The following RP1 variants were observed in gnomAD, a reference collection of about 807,000 sequenced individuals.
RP1 encodes RP1 axonemal microtubule associated, also known as oxygen-regulated protein 1.
In RP1, 16 loss-of-function variants were observed where a neutral mutation model predicts 14.8. That is an observed-to-expected ratio of 1.08 (90% CI 0.73 to 1.65). RP1 has a LOEUF of 1.65. RP1 is among the 40% of genes most tolerant of loss of function. The pLI, the probability that RP1 is intolerant of heterozygous loss-of-function variation, is 0.00. For synonymous variants in RP1, 876 were observed against 883.6 expected, an observed-to-expected ratio of 0.99 and a Z score of 0.15; for missense variants, 2,631 against 2,535.0, an observed-to-expected ratio of 1.04 and a Z score of -0.81.
rs1428227143 is a variant in RP1, at chr8:54,769,687, TTTTCTCTCTATTTTCTCCTCTCTCTTTC to T, written c.3249-44_3249-17del. The T allele has an allele frequency of 1.0e-5, 12 of 1,185,014 alleles. No homozygotes were observed. The East Asian group carries it at 3.1e-4, about 30-fold the overall frequency. 73.4% of individuals were successfully genotyped at this position (1,185,014 alleles called of 1,614,324 possible). A position where few individuals can be genotyped will look rare whatever the true frequency, so the allele number is the denominator to read the frequency against. On this transcript the variant is annotated intron_variant, in intron 22 of 22. Coordinates refer to the RP1 transcript ENST00000636932. ...TAAAATTGAGAAAATCAGAAATTAATTTTCTCTCTATTTTCTCCTCTCTCTTTCTTTCTCTCTCTCTCTTTTTCCTCAG... is the reference window on the plus strand; with the variant it reads ...TAAAATTGAGAAAATCAGAAATTAATTTTCTCTCTCTCTCTTTTTCCTCAG...
At chr8:54,790,103 G>A (rs922855737) in intron 24 of RP1, among the ~76,000 whole-genome samples, 1 of 152,036 alleles carries the variant, frequency 6.6e-6, no homozygotes, top group Non-Finnish European at 1.5e-5. Flanking sequence ...CCAACCAGAG[G>A]CAATTGTGGA....
At chr8:54,868,512 T>G (rs984358921) in intron 28 of RP1, among the ~76,000 whole-genome samples, 4 of 152,218 alleles carry the variant, frequency 2.6e-5, no homozygotes, top group Non-Finnish European at 5.9e-5. Context: ...ATGGGCAAAC[T>G]GTGACCTAAT....
At chr8:54,833,978 T>C (rs1811599255) in intron 24 of RP1, among the ~76,000 whole-genome samples, 1 of 152,106 alleles carries the variant, frequency 6.6e-6, no homozygotes. Context: ...ATGATTTATT[T>C]AACATATGTT....
At chr8:54,789,933 G>A (rs1020942490) in intron 24 of RP1, among the ~76,000 whole-genome samples, 5 of 152,192 alleles carry the variant, frequency 3.3e-5, no homozygotes, top group Admixed American at 2.6e-4. Context: ...GCAGAGCTCA[G>A]CCTGCATGAA....
chr8:54,848,809 C>A (rs1010513054), intron 25 of RP1, among the ~76,000 whole-genome samples: 1 of 152,130 alleles, frequency 6.6e-6, no homozygotes, highest in African/African-American at 2.4e-5. Flanking sequence ...AGTGCAGTGG[C>A]ACGATCTCGG....
intron 14 of RP1, among the ~76,000 whole-genome samples, chr8:54,703,039 C>T (rs1808063178): frequency 6.6e-6 from 1 of 152,172 alleles, no homozygotes; most frequent in Admixed American, 6.6e-5. Context: ...AAGTCTTGAA[C>T]CACTCAAAAT....
chr8:54,853,873 AAAAG>A (rs1385004849), intron 26 of RP1, among the ~76,000 whole-genome samples: 1 of 150,852 alleles, frequency 6.6e-6, no homozygotes, highest in South Asian at 2.1e-4. Flanking sequence ...AAAGAAAAGA[AAAAG>A]AAAGAAAAAA....
At chr8:54,844,201 C>A (rs1811860069) in intron 25 of RP1, among the ~76,000 whole-genome samples, 1 of 152,174 alleles carries the variant, frequency 6.6e-6, no homozygotes, top group Non-Finnish European at 1.5e-5. Context: ...GAGTTGGAAG[C>A]CCGGGTGGCC....
intron 24 of RP1, among the ~76,000 whole-genome samples, chr8:54,801,348 C>T (rs772471460): frequency 1.1e-4 from 16 of 152,156 alleles, no homozygotes; most frequent in Non-Finnish European, 1.9e-4. Flanking sequence ...CTTAGCCAGG[C>T]GTTGCAAACC....
chr8:54,590,545 G>T (rs760865809), intron 1 of RP1, among the ~76,000 whole-genome samples: 6 of 152,020 alleles, frequency 3.9e-5, no homozygotes, highest in Admixed American at 1.3e-4. Context: ...CTCTTACCTT[G>T]TTGGCCACAC....
chr8:54,673,747 C>T (rs1271338408), intron 7 of RP1: 22 of 1,000,806 alleles, frequency 2.2e-5, no homozygotes, highest in Non-Finnish European at 3.0e-5. Flanking sequence ...CTCAAAACAA[C>T]AACAACAACA....
intron 24 of RP1, among the ~76,000 whole-genome samples, chr8:54,810,931 T>C (rs1362285280): frequency 6.6e-6 from 1 of 152,180 alleles, no homozygotes; most frequent in African/African-American, 2.4e-5. Context: ...CGCAAATGCA[T>C]GGAAGAATAG....
downstream of RP1, among the ~76,000 whole-genome samples, chr8:54,631,239 G>C (rs940696070): frequency 6.6e-6 from 1 of 152,096 alleles, no homozygotes; most frequent in Non-Finnish European, 1.5e-5. Flanking sequence ...ATTATGAATT[G>C]CTACTTCATC....
chr8:54,764,874 C>A (rs1203251716), intron 22 of RP1, among the ~76,000 whole-genome samples: 2 of 150,326 alleles, frequency 1.3e-5, no homozygotes, highest in Non-Finnish European at 3.0e-5. Context: ...CAACAAGAAG[C>A]CAAAGAGTAA....
intron 25 of RP1, among the ~76,000 whole-genome samples, chr8:54,838,697 G>A (rs960479523): frequency 6.6e-6 from 1 of 152,100 alleles, no homozygotes; most frequent in African/African-American, 2.4e-5. Context: ...ATGTGAAAAA[G>A]TCTGTGTGTA....
chr8:54,746,613 G>A (rs139828392), intron 19 of RP1, among the ~76,000 whole-genome samples: 2 of 152,096 alleles, frequency 1.3e-5, no homozygotes, highest in Admixed American at 6.5e-5. Flanking sequence ...ATACATGTTA[G>A]CAAATGCTGT....
At chr8:54,622,383 T>C in intron 3 of RP1, 95 bp downstream of exon 3, 2 of 1,025,922 alleles carry the variant, frequency 1.9e-6, no homozygotes, top group East Asian at 2.5e-5. Flanking sequence ...ACCAGTTTCT[T>C]CCACCACAGA....
intron 24 of RP1, among the ~76,000 whole-genome samples, chr8:54,823,464 G>T (rs1563387328): frequency 6.6e-6 from 1 of 152,118 alleles, no homozygotes; most frequent in Non-Finnish European, 1.5e-5. Context: ...CTGTGCAGCT[G>T]GGATTACAGG....
At chr8:54,837,414 G>T in intron 24 of RP1, 1 of 941,702 alleles carries the variant, frequency 1.1e-6, no homozygotes, top group South Asian at 5.4e-5. Context: ...TGGAGATGTA[G>T]GGAGTTTTAG....
Sources: allele counts gnomAD v4.1 joint callset (sites outside exome capture counted in the v4.1 genomes callset), GRCh38; gene constraint gnomAD v4.1.1; transcripts MANE v1.5; gene names NCBI Gene and HGNC (gene_info 2026-07-23, HGNC 2026-07-21).